The following ALAS1 variants were observed in gnomAD, a reference collection of about 807,000 sequenced individuals.
The protein encoded by ALAS1 is 5-aminolevulinate synthase, non-specific, mitochondrial.
In ALAS1, 29 loss-of-function variants were observed where a neutral mutation model predicts 59.6. The observed-to-expected ratio is 0.49, with a 90% CI of 0.36 to 0.66. ALAS1 has a LOEUF of 0.66. Among genes scored for constraint, ALAS1 ranks in the 30% least tolerant of loss-of-function variants. ALAS1 has a pLI of 0.00. For missense variants in ALAS1, 690 were observed against 807.5 expected (o/e 0.85, Z 1.76); for synonymous variants, 299 against 296.6 (o/e 1.01, Z -0.08).
At chr3:52,200,849 T>C (rs1215808363) in intron 3 of ALAS1, among the ~76,000 whole-genome samples, 2 of 152,218 alleles carry the variant, frequency 1.3e-5, no homozygotes, top group Non-Finnish European at 2.9e-5. Flanking sequence ...CTTAGGCGTG[T>C]TCTCTGGGTG....
At chr3:52,208,851 G>A (rs1699347323) in intron 9 of ALAS1, among the ~76,000 whole-genome samples, 1 of 152,216 alleles carries the variant, frequency 6.6e-6, no homozygotes, top group African/African-American at 2.4e-5. Flanking sequence ...TATATGTGGA[G>A]AAGGTAAATA....
At chr3:52,204,388 A>G (rs1460371652) in intron 5 of ALAS1, among the ~76,000 whole-genome samples, 1 of 152,220 alleles carries the variant, frequency 6.6e-6, no homozygotes, top group Non-Finnish European at 1.5e-5. Context: ...GTTTCTAGGA[A>G]AAACAAAAAA....
rs889291820 is a variant in ALAS1, at chr3:52,205,923, G to A, written c.885G>A (p.Arg295=). 2.4e-5 allele frequency: 38 copies of A among 1,614,038 alleles called. No homozygotes were observed. The highest frequency in any genetic ancestry group is 3.2e-5 in the Non-Finnish European group (38 of 1,180,028). ...GTAAATTCCATGTGGACTTAGAGCGGGAGCTGGCAGACCTCCATGGGAAAG... is the reference window on the plus strand; with the variant it reads ...GTAAATTCCATGTGGACTTAGAGCGAGAGCTGGCAGACCTCCATGGGAAAG... ...GTSKFHVDLE[R]ELADLHGKDA... is the part of the protein sequence containing the mutation. Residue 295 remains arginine (R), a synonymous_variant, in exon 7 of 12, where the codon CGG becomes CGA. Transcript: ENST00000484952.
intron 3 of ALAS1, 47 bp downstream of exon 3, chr3:52,199,487 A>T: frequency 4.5e-6 from 7 of 1,568,412 alleles, no homozygotes; most frequent in Non-Finnish European, 6.1e-6. Flanking sequence ...GTTTGTGCTC[A>T]TTGGTAGACT....
At chr3:52,203,235 T>G (rs1298760717) in intron 4 of ALAS1, among the ~76,000 whole-genome samples, 1 of 152,156 alleles carries the variant, frequency 6.6e-6, no homozygotes, top group African/African-American at 2.4e-5. Flanking sequence ...CAAAATTGTT[T>G]TCTATGAAGA....
At chr3:52,199,143 T>C (rs1160467341) in intron 2 of ALAS1, 67 bp from the exon 3 acceptor site, 4 of 1,513,582 alleles carry the variant, frequency 2.6e-6, no homozygotes, top group Non-Finnish European at 1.8e-6. Context: ...GGTTGACACC[T>C]GAATCCAGTG....
At chr3:52,198,126 C>T (rs564394089), upstream of ALAS1, 7 of 398,162 alleles carry the variant, frequency 1.8e-5, no homozygotes, top group South Asian at 1.3e-4. Context: ...CGGTCACTCC[C>T]GCTGTATATT....
At chr3:52,213,866 T>C (rs1401823783) in intron 11 of ALAS1, among the ~76,000 whole-genome samples, 154 bp from the exon 12 acceptor site, 1 of 152,260 alleles carries the variant, frequency 6.6e-6, no homozygotes, top group Non-Finnish European at 1.5e-5. Flanking sequence ...ATTTTGTTTA[T>C]CCGTCTATTG....
chr3:52,198,318 T>A, intron 1 of ALAS1, 63 bp downstream of exon 1: 1 of 406,190 alleles, frequency 2.5e-6, no homozygotes. Flanking sequence ...CTGCCAGCCG[T>A]GGCACCGCTG....
chr3:52,203,951 C>T lies in ALAS1; in HGVS notation c.516C>T (p.Asp172=), dbSNP rs1323523112. 1 of 1,613,500 alleles carries T rather than the reference C, an allele frequency of 6.2e-7. No homozygotes were observed. Among genetic ancestry groups the T allele is most frequent in the Admixed American group, 1.7e-5 (1 of 59,950 alleles). The change falls in exon 5 of 12, where the codon GAC becomes GAT. Residue 172 remains aspartate, a synonymous_variant. Transcript: ENST00000484952. ...GTGGACTGCTGAAGAACTTCCAGGA[C>T]ATCATGCAAAAGCAAAGACCAGAAA... ...DPSGLLKNFQ[D]IMQKQRPERV...
At chr3:52,206,975 C>T (rs921397139) in intron 8 of ALAS1, among the ~76,000 whole-genome samples, 4 of 151,266 alleles carry the variant, frequency 2.6e-5, no homozygotes, top group East Asian at 1.9e-4. Flanking sequence ...GCTGGGACTA[C>T]AGACACCTGC....
chr3:52,205,757 G>C, intron 6 of ALAS1, 82 bp from the exon 7 acceptor site: 1 of 1,371,952 alleles, frequency 7.3e-7, no homozygotes, highest in Non-Finnish European at 9.9e-7. Flanking sequence ...TCAGTCTCCT[G>C]GATCCTAGAA....
chr3:52,203,218 A>G (rs952413548), intron 4 of ALAS1, among the ~76,000 whole-genome samples: 1 of 152,210 alleles, frequency 6.6e-6, no homozygotes, highest in Non-Finnish European at 1.5e-5. Context: ...GAAATTATGC[A>G]TATGGCCAAA....
At chr3:52,202,475 T>C in intron 3 of ALAS1, 32 bp from the exon 4 acceptor site, 1 of 1,566,986 alleles carries the variant, frequency 6.4e-7, no homozygotes, top group Non-Finnish European at 8.8e-7. Flanking sequence ...CAACCAGATC[T>C]GATGCTTCAC....
chr3:52,209,283 C>T (rs1699357088), intron 9 of ALAS1, among the ~76,000 whole-genome samples: 1 of 152,196 alleles, frequency 6.6e-6, no homozygotes, highest in Non-Finnish European at 1.5e-5. Context: ...TCTCAGCTCA[C>T]TGCAAGCTCC....
At chr3:52,206,927 C>T (rs1029395604) in intron 8 of ALAS1, among the ~76,000 whole-genome samples, 176 bp downstream of exon 8, 11 of 151,788 alleles carry the variant, frequency 7.2e-5, no homozygotes, top group Non-Finnish European at 1.0e-4. Context: ...CTCCGCCTCC[C>T]GGGTTCACGT....
intron 4 of ALAS1, among the ~76,000 whole-genome samples, chr3:52,203,391 A>G (rs915105302): frequency 2.6e-5 from 4 of 152,156 alleles, no homozygotes; most frequent in African/African-American, 7.2e-5. Context: ...AAATACAAAG[A>G]TTAGCTGGGC....
chr3:52,199,583 C>G (rs1699145031), intron 3 of ALAS1, 143 bp downstream of exon 3: 1 of 776,488 alleles, frequency 1.3e-6, no homozygotes. Flanking sequence ...CACAGATTAT[C>G]TCATATGATT....
chr3:52,199,241 C>G lies in ALAS1; in HGVS notation c.-1C>G. 6.2e-7 allele frequency: 1 copy of G among 1,614,214 alleles called. No individual in the cohort carries two copies. The highest frequency in any genetic ancestry group is 8.5e-7 in the Non-Finnish European group (1 of 1,180,036). On this transcript the variant is annotated 5_prime_UTR_variant, in exon 3 of 12. Coordinates refer to ENST00000484952, the MANE Select transcript of ALAS1 (RefSeq NM_000688.6). ...CACAGGAGCCAGCATACTTCCTGAA[C>G]ATGGAGAGTGTTGTTCGCCGCTGCC...
Sources: gnomAD v4.1 joint callset for allele counts (sites outside exome capture counted in the v4.1 genomes callset) on GRCh38, gnomAD v4.1.1 for gene constraint, MANE v1.5 for transcripts, NCBI Gene and HGNC (gene_info 2026-07-23, HGNC 2026-07-21) for gene names.